Variants in PTPN20 observed in about 807,000 individuals in gnomAD.
The protein encoded by PTPN20 is tyrosine-protein phosphatase non-receptor type 20.
PTPN20 carries 9 observed loss-of-function variants against 35.0 expected under a neutral mutation model. The ratio of observed to expected loss-of-function variants is 0.26; its 90% CI spans 0.15 to 0.45. PTPN20 has a LOEUF of 0.45. Ranked by LOEUF, PTPN20 falls within the 20% of genes least tolerant of loss-of-function variation. The pLI, the probability that PTPN20 is intolerant of heterozygous loss-of-function variation, is 1.00. For synonymous variants in PTPN20, 32 were observed against 100.2 expected (o/e 0.32, Z 4.06); for missense variants, 111 against 312.5 (o/e 0.36, Z 4.86).
At chr10:46,949,078 T>A (rs1372304661) in intron 5 of PTPN20, among the ~76,000 whole-genome samples, 7 of 151,746 alleles carry the variant, frequency 4.6e-5, no homozygotes, top group African/African-American at 1.2e-4. Flanking sequence ...AAAGCAGGGA[T>A]TGCTGCTCCT....
intron 5 of PTPN20, among the ~76,000 whole-genome samples, chr10:46,951,441 A>G (rs1352878235): frequency 1.7e-4 from 26 of 152,218 alleles, no homozygotes; most frequent in Non-Finnish European, 1.0e-4. Context: ...TGTGCTATAA[A>G]TTGTAACCCT....
intron 9 of PTPN20, among the ~76,000 whole-genome samples, chr10:46,988,841 T>C (rs1192398795): frequency 1.3e-5 from 2 of 152,002 alleles, no homozygotes; most frequent in African/African-American, 4.8e-5. Context: ...AAATTTATCC[T>C]AGGTGTTTTT....
At chr10:46,999,094 T>G (rs2059652040) in intron 9 of PTPN20, among the ~76,000 whole-genome samples, 1 of 152,150 alleles carries the variant, frequency 6.6e-6, no homozygotes, top group African/African-American at 2.4e-5. Flanking sequence ...AGACCCTGTC[T>G]CTAAAAAACT....
chr10:46,935,629 G>A (rs1166324630), intron 2 of PTPN20, among the ~76,000 whole-genome samples: 1 of 142,932 alleles, frequency 7.0e-6, no homozygotes, highest in Non-Finnish European at 1.5e-5. Flanking sequence ...GCCGCACCCA[G>A]CCATGATTTC....
At chr10:46,954,389 T>C in intron 5 of PTPN20, among the ~76,000 whole-genome samples, 1 of 149,458 alleles carries the variant, frequency 6.7e-6, no homozygotes, top group Non-Finnish European at 1.5e-5. Flanking sequence ...TACGGCCACA[T>C]ATGGGCCACA....
intron 9 of PTPN20, among the ~76,000 whole-genome samples, chr10:46,998,518 G>T (rs1018813327): frequency 6.6e-6 from 1 of 152,164 alleles, no homozygotes; most frequent in East Asian, 1.9e-4. Context: ...TATAGGGATA[G>T]CAGGAGGAAG....
chr10:46,948,273 C>T (rs1322773990), intron 5 of PTPN20, among the ~76,000 whole-genome samples: 57 of 151,662 alleles, frequency 3.8e-4, no homozygotes, highest in Non-Finnish European at 7.4e-4. Flanking sequence ...TAGAGCTTAA[C>T]ATGTTAATGA....
At chr10:46,948,934 C>T (rs2045835404) in intron 5 of PTPN20, among the ~76,000 whole-genome samples, 1 of 149,634 alleles carries the variant, frequency 6.7e-6, no homozygotes, top group Non-Finnish European at 1.5e-5. Context: ...CTCCCCTTCA[C>T]TTAGTGTAGT....
intron 7 of PTPN20, among the ~76,000 whole-genome samples, chr10:46,972,301 A>C (rs1287671478): frequency 5.9e-5 from 9 of 152,152 alleles, no homozygotes; most frequent in Non-Finnish European, 1.2e-4. Flanking sequence ...CTCAGGGAAG[A>C]TATAAGGATG....
At position 46,911,481 on chromosome 10, in the gene PTPN20, G is replaced by A; in HGVS notation, c.-144G>A. 3.8e-6 allele frequency: 1 copy of A among 261,426 alleles called. No homozygotes were observed. The highest frequency in any genetic ancestry group is 3.3e-5 in the South Asian group (1 of 30,418). The allele number at this position is 261,426 out of a possible 1,614,324, so 16.2% of individuals were successfully genotyped here. On this transcript the variant is annotated 5_prime_UTR_variant, in exon 1 of 11. Coordinates refer to ENST00000374339, the MANE Select transcript of PTPN20 (RefSeq NM_001042357.5). ...CTGCTGGGGTTGCAGCGGGACAGTT[G>A]GGGCGGCCCCGCAGGCCCAGGTGAG...
chr10:46,994,449 A>C (rs1225542972), intron 9 of PTPN20, among the ~76,000 whole-genome samples: 2 of 147,876 alleles, frequency 1.4e-5, no homozygotes, highest in Non-Finnish European at 3.0e-5. Context: ...CTCCTGCCTC[A>C]GCCTCCCAAG....
chr10:46,952,409 CTT>C (rs2046977460), intron 5 of PTPN20, among the ~76,000 whole-genome samples: 1 of 144,938 alleles, frequency 6.9e-6, no homozygotes, highest in African/African-American at 2.6e-5. Flanking sequence ...TCTTTTTTGT[CTT>C]GAGTGATATT....
intron 5 of PTPN20, chr10:46,955,054 G>A (rs1215526476): frequency 2.0e-5 from 3 of 151,252 alleles, no homozygotes; most frequent in African/African-American, 4.9e-5. Flanking sequence ...GAGAGAGGGT[G>A]TGCTTAGATT....
chr10:46,976,398 CTTT>C (rs1198403320), intron 7 of PTPN20, among the ~76,000 whole-genome samples: 1 of 69,672 alleles, frequency 1.4e-5, no homozygotes, highest in African/African-American at 5.2e-5. Context: ...TCAAGCTCTA[CTTT>C]TTTTTTTTTT....
chr10:47,003,317 C>G (rs2060135174), downstream of PTPN20, among the ~76,000 whole-genome samples: 1 of 152,038 alleles, frequency 6.6e-6, no homozygotes, highest in African/African-American at 2.4e-5. Flanking sequence ...ATTAACAAAA[C>G]AATACCTCCT....
At chr10:46,925,522 C>CT (rs1271555570) in intron 1 of PTPN20, among the ~76,000 whole-genome samples, 1,578 of 134,036 alleles carry the variant, frequency 0.012, 56 homozygotes, top group African/African-American at 0.035. Context: ...GCTGCTTCCT[C>CT]TTTTTTTTTT....
chr10:46,980,070 C>A (rs1391905206), intron 7 of PTPN20, among the ~76,000 whole-genome samples: 3 of 149,026 alleles, frequency 2.0e-5, no homozygotes, highest in African/African-American at 7.4e-5. Context: ...ATATATCCAA[C>A]AAAAATTCAG....
intron 5 of PTPN20, among the ~76,000 whole-genome samples, chr10:46,947,232 ATATT>A (rs1224860168): frequency 9.1e-5 from 12 of 132,150 alleles, no homozygotes; most frequent in African/African-American, 3.3e-4. Context: ...ATATATATAT[ATATT>A]TATAAAATTT....
chr10:46,947,141 C>T lies in PTPN20; in HGVS notation c.340+466C>T, dbSNP rs1333925455. Among the ~76,000 whole-genome samples, 121 of 139,658 alleles carry T rather than the reference C, an allele frequency of 8.7e-4. No individual in the cohort carries two copies. In the East Asian group the frequency reaches 9.9e-3, roughly 11 times the overall value. 91.6% of individuals were successfully genotyped at this position (139,658 alleles called of 152,430 possible). A position where few individuals can be genotyped will look rare whatever the true frequency, so the allele number is the denominator to read the frequency against. ...AATATTTCAGAACTTTTTGTGTATACGTATTTACATGTATATATAATATAA... is the reference window on the plus strand; with the variant it reads ...AATATTTCAGAACTTTTTGTGTATATGTATTTACATGTATATATAATATAA... On this transcript the variant is annotated intron_variant, in intron 5 of 10. Transcript: ENST00000374339.
Sources: gnomAD v4.1 joint callset for allele counts (sites outside exome capture counted in the v4.1 genomes callset) on GRCh38, gnomAD v4.1.1 for gene constraint, MANE v1.5 for transcripts, NCBI Gene and HGNC (gene_info 2026-07-23, HGNC 2026-07-21) for gene names.